The following FHIT variants were observed in gnomAD, a reference collection of about 807,000 sequenced individuals.
FHIT encodes the protein bis(5'-adenosyl)-triphosphatase.
Under a neutral mutation model 17.9 loss-of-function variants are expected in FHIT, and 19 were observed. That is an observed-to-expected ratio of 1.06 (90% CI 0.74 to 1.56). The LOEUF is 1.56. FHIT is among the 40% of genes most tolerant of loss of function. The pLI is 0.00. For synonymous variants in FHIT, 81 were observed against 69.7 expected, an observed-to-expected ratio of 1.16 and a Z score of -0.81; for missense variants, 248 against 189.2, an observed-to-expected ratio of 1.31 and a Z score of -1.82.
At chr3:60,113,326 A>T (rs1559643352) in intron 5 of FHIT, among the ~76,000 whole-genome samples, 2 of 150,372 alleles carry the variant, frequency 1.3e-5, no homozygotes, top group African/African-American at 2.5e-5. Flanking sequence ...ATAGGCTATA[A>T]TCCATGTACT....
At chr3:60,944,744 T>A (rs1454683801) in intron 3 of FHIT, among the ~76,000 whole-genome samples, 1 of 152,162 alleles carries the variant, frequency 6.6e-6, no homozygotes, top group Non-Finnish European at 1.5e-5. Context: ...AGTTTCCCAA[T>A]TTTTCAAATA....
At chr3:59,928,473 A>C (rs776358239) in intron 7 of FHIT, among the ~76,000 whole-genome samples, 1 of 152,234 alleles carries the variant, frequency 6.6e-6, no homozygotes, top group Non-Finnish European at 1.5e-5. Context: ...ACTGGCAGAA[A>C]GGATTTGCAA....
At chr3:61,201,026 C>A (rs2038996313) in intron 1 of FHIT, among the ~76,000 whole-genome samples, 1 of 152,116 alleles carries the variant, frequency 6.6e-6, no homozygotes, top group Non-Finnish European at 1.5e-5. Flanking sequence ...TTTCTTATTT[C>A]TTTTTGTCAT....
At chr3:60,396,396 A>C (rs1165078689) in intron 5 of FHIT, among the ~76,000 whole-genome samples, 1 of 152,134 alleles carries the variant, frequency 6.6e-6, no homozygotes, top group African/African-American at 2.4e-5. Context: ...AAAAAGGAAA[A>C]TCTTTCTTGT....
chr3:60,943,725 T>C (rs1164253230), intron 3 of FHIT, among the ~76,000 whole-genome samples: 2 of 152,204 alleles, frequency 1.3e-5, no homozygotes, highest in Non-Finnish European at 1.5e-5. Context: ...AGCATTGCTG[T>C]ATCTATCTTA....
In FHIT at chr3:60,108,562, G is replaced by C. The variant is rs146169785; in HGVS notation, c.104-94410C>G. Among the ~76,000 whole-genome samples, 1,079 of 152,138 alleles carry C rather than the reference G, an allele frequency of 7.1e-3. 12 individuals are homozygous for C. The highest frequency in any genetic ancestry group is 0.025 in the African/African-American group (1,036 of 41,500). On this transcript the variant is annotated intron_variant, in intron 5 of 9. Transcript: ENST00000492590. The stretch of plus-strand genomic sequence containing the variant: ...GCTACTGACCACAGCCCTCCCTCTT[G>C]CCAGAGCCTGAAGGACAGGGGACTC...
intron 4 of FHIT, among the ~76,000 whole-genome samples, chr3:60,589,719 A>T (rs2107692808): frequency 6.6e-6 from 1 of 152,204 alleles, no homozygotes; most frequent in South Asian, 2.1e-4. Context: ...TTAAACTTCT[A>T]TTAATAGTAT....
Position 60,860,752 on chromosome 3 carries a change from G to T in FHIT, c.-110-38741C>A, listed in dbSNP as rs181087014. On this transcript the variant is annotated intron_variant, in intron 3 of 9. Transcript: ENST00000492590. The stretch of plus-strand genomic sequence containing the variant: ...TATGTACATATGTTCATATATATCA[G>T]GTATATATGATACATATGTATCATA... Among the ~76,000 whole-genome samples the T allele has an allele frequency of 1.2e-3, 7 of 5,752 alleles. 2 individuals are homozygous for T. Among genetic ancestry groups the T allele is most frequent in the Admixed American group, 4.0e-3 (1 of 250 alleles). 3.8% of individuals were successfully genotyped at this position (5,752 alleles called of 152,430 possible).
At chr3:60,638,540 G>A (rs530022681) in intron 4 of FHIT, among the ~76,000 whole-genome samples, 5 of 152,094 alleles carry the variant, frequency 3.3e-5, no homozygotes, top group African/African-American at 1.2e-4. Context: ...TTAATGTTCA[G>A]GTCGTGTACC....
At chr3:60,806,119 C>T (rs1701376343) in intron 4 of FHIT, among the ~76,000 whole-genome samples, 1 of 152,150 alleles carries the variant, frequency 6.6e-6, no homozygotes, top group East Asian at 1.9e-4. Flanking sequence ...AAAATGGAAA[C>T]AAATGTGGCA....
chr3:61,033,082 C>T (rs115444832), intron 3 of FHIT, among the ~76,000 whole-genome samples: 273 of 152,342 alleles, frequency 1.8e-3, no homozygotes, highest in African/African-American at 6.4e-3. Flanking sequence ...GATGCTCAGT[C>T]GCCTTGATGA....
At chr3:60,708,824 T>C (rs550320614) in intron 4 of FHIT, among the ~76,000 whole-genome samples, 1 of 152,108 alleles carries the variant, frequency 6.6e-6, no homozygotes, top group Non-Finnish European at 1.5e-5. Context: ...GAAAGAGTGA[T>C]ATTGGAATGA....
chr3:60,893,492 A>G (rs1156885834), intron 3 of FHIT, among the ~76,000 whole-genome samples: 2 of 152,224 alleles, frequency 1.3e-5, no homozygotes, highest in Non-Finnish European at 2.9e-5. Flanking sequence ...TATTTATTAA[A>G]GTTAGTTCCA....
chr3:61,113,677 T>C (rs1313609115), intron 2 of FHIT, among the ~76,000 whole-genome samples: 4 of 152,184 alleles, frequency 2.6e-5, no homozygotes, highest in African/African-American at 4.8e-5. Flanking sequence ...CTCTCTTGAA[T>C]TGAACTGTAA....
intron 5 of FHIT, among the ~76,000 whole-genome samples, chr3:60,061,076 AC>A (rs1418950527): frequency 6.6e-6 from 1 of 152,180 alleles, no homozygotes; most frequent in Non-Finnish European, 1.5e-5. Flanking sequence ...CTCCATTCAG[AC>A]CCACAATCCC....
intron 3 of FHIT, among the ~76,000 whole-genome samples, chr3:60,961,796 T>G (rs1466539164): frequency 6.6e-6 from 1 of 152,208 alleles, no homozygotes; most frequent in Non-Finnish European, 1.5e-5. Context: ...ATCTCTCTGT[T>G]TTTGTACCAG....
chr3:60,326,409 T>G (rs1709696578), intron 5 of FHIT, among the ~76,000 whole-genome samples: 1 of 151,964 alleles, frequency 6.6e-6, no homozygotes, highest in Non-Finnish European at 1.5e-5. Context: ...CATGTGCAAT[T>G]CACAATAGGG....
In FHIT at chr3:60,872,239, G is replaced by A. The variant is rs980384910; in HGVS notation, c.-110-50228C>T. 3.9e-5 allele frequency among the ~76,000 whole-genome samples: 6 copies of A among 152,010 alleles called. No homozygotes were observed. In the South Asian group the frequency reaches 1.0e-3, roughly 26 times the overall value. The stretch of plus-strand genomic sequence containing the variant: ...TCATTTCTTTTGATATCTCATGAGC[G>A]CTTGTTGCAAAAAACATTTGTAGGC... On this transcript the variant is annotated intron_variant, in intron 3 of 9. Transcript: ENST00000492590.
chr3:60,620,195 T>C (rs1553677874), intron 4 of FHIT, among the ~76,000 whole-genome samples: 1 of 152,164 alleles, frequency 6.6e-6, no homozygotes, highest in African/African-American at 2.4e-5. Context: ...ACATTCACTG[T>C]GGATGGGAAT....
Sources: gnomAD v4.1 joint callset for allele counts (sites outside exome capture counted in the v4.1 genomes callset) on GRCh38, gnomAD v4.1.1 for gene constraint, MANE v1.5 for transcripts, NCBI Gene and HGNC (gene_info 2026-07-23, HGNC 2026-07-21) for gene names.